TRIM64C: variants seen among roughly 807,000 people sequenced by gnomAD.
TRIM64C encodes the protein tripartite motif-containing protein 64C.
A neutral mutation model predicts 36.1 loss-of-function variants in TRIM64C; 25 were observed. That is an observed-to-expected ratio of 0.69 (90% CI 0.51 to 0.97). The LOEUF is 0.97. Ranked by LOEUF, TRIM64C falls within the 50% of genes least tolerant of loss-of-function variation. The pLI, the probability that TRIM64C is intolerant of heterozygous loss-of-function variation, is 0.00. For synonymous variants in TRIM64C, 212 were observed against 185.7 expected (o/e 1.14, Z -1.15); for missense variants, 489 against 536.8 (o/e 0.91, Z 0.88).
chr11:49,056,940 G>A (rs1292026421), intron 3 of TRIM64C, among the ~76,000 whole-genome samples: 2 of 151,816 alleles, frequency 1.3e-5, no homozygotes, highest in Non-Finnish European at 2.9e-5. Flanking sequence ...AGAGAACTTT[G>A]TTATATGTTA....
Position 49,054,187 on chromosome 11 carries a change from C to A in TRIM64C, c.880G>T (p.Glu294Ter). The change falls in exon 6 of 6, where the codon GAA (glutamate) becomes TAA (stop). Residue 294 changes from glutamate to a stop codon, truncating the protein, a stop_gained. Transcript: ENST00000617704. LOFTEE classifies it low-confidence loss of function (END_TRUNC). ...NFRVDNALST[E>*]MTPCYISLSE... ...AGGCTTATATAGCAAGGAGTCATTTCTGTACTCAGAGCATTATCCACTGAC... is the reference window on the plus strand; with the variant it reads ...AGGCTTATATAGCAAGGAGTCATTTATGTACTCAGAGCATTATCCACTGAC... The A allele has an allele frequency of 6.4e-7, 1 of 1,551,478 alleles. No individual in the cohort carries two copies. Among genetic ancestry groups the A allele is most frequent in the Non-Finnish European group, 8.7e-7 (1 of 1,146,828 alleles).
At chr11:49,056,052 G>T (rs1222342001) in intron 4 of TRIM64C, among the ~76,000 whole-genome samples, 7 of 150,996 alleles carry the variant, frequency 4.6e-5, no homozygotes, top group African/African-American at 1.2e-4. Flanking sequence ...CCCCTCTAGA[G>T]TAGAAGACAC....
At chr11:49,057,950 T>C (rs1854832956) in intron 2 of TRIM64C, 128 bp downstream of exon 2, 2 of 653,574 alleles carry the variant, frequency 3.1e-6, no homozygotes, top group South Asian at 1.8e-5. Flanking sequence ...ATTATATCAA[T>C]TGAAATCACT....
At chr11:49,056,405 G>A in intron 3 of TRIM64C, 24 bp from the exon 4 acceptor site, 2 of 1,529,454 alleles carry the variant, frequency 1.3e-6, no homozygotes, top group African/African-American at 1.4e-5. Flanking sequence ...AAAATGTAAT[G>A]TTAATTATGA....
In TRIM64C at chr11:49,057,173, T is replaced by C; in HGVS notation, c.713A>G (p.His238Arg). Reference protein sequence around the residue: ...DMYRELWETYHMPDVELLQDV... With the variant: ...DMYRELWETYRMPDVELLQDV... ...CTGGAGCAGCTCCACGTCAGGCATGTGGTATGTCTCCCACAGCTCTCTGTA... is the reference window on the plus strand; with the variant it reads ...CTGGAGCAGCTCCACGTCAGGCATGCGGTATGTCTCCCACAGCTCTCTGTA... The change falls in exon 3 of 6, where the codon CAC becomes CGC. Residue 238 changes from histidine (H) to arginine (R), a missense_variant. By Grantham distance (29) the His-to-Arg change is conservative (BLOSUM62 0). Transcript: ENST00000617704. The C allele has an allele frequency of 6.5e-7, 1 of 1,549,438 alleles. No homozygotes were observed.
rs1313215984 is a variant in TRIM64C, at chr11:49,053,749, G to T, written c.1318C>A (p.Pro440Thr). ...YGFPPSSFSSPLRPFFCFGCT is the reference protein window; with the variant it reads ...YGFPPSSFSSTLRPFFCFGCT Reference sequence around the variant, plus strand: ...CCAAAGCAAAAGAAAGGCCTCAGAGGGGAAGAGAAGGAGGAAGGAGGAAAA... The same window carrying T: ...CCAAAGCAAAAGAAAGGCCTCAGAGTGGAAGAGAAGGAGGAAGGAGGAAAA... The change falls in exon 6 of 6, where the codon CCT becomes ACT. Residue 440 changes from proline (P) to threonine (T), a missense_variant. Pro to Thr is a conservative substitution (Grantham distance 38, BLOSUM62 -1). Coordinates refer to ENST00000617704, the MANE Select transcript of TRIM64C (RefSeq NM_001206631.1). 10 of 1,549,206 alleles carry T rather than the reference G, an allele frequency of 6.5e-6. No homozygotes were observed. The highest frequency in any genetic ancestry group is 7.9e-6 in the Non-Finnish European group (9 of 1,146,430).
In TRIM64C at chr11:49,053,949, T is replaced by C; in HGVS notation, c.1118A>G (p.Asp373Gly). Residue 373 changes from aspartate (D) to glycine (G), a missense_variant, in exon 6 of 6, where the codon GAC (aspartate) becomes GGC (glycine). Transcript: ENST00000617704. ...TADTNIVIDS[D>G]KTFFSISSKT... ...TGAAGAAATTGAAAAAAATGTTTTG[T>C]CAGAATCAATAACTATATTGGTATC... The C allele has an allele frequency of 6.4e-7, 1 of 1,551,602 alleles. No homozygotes were observed. The highest frequency in any genetic ancestry group is 8.7e-7 in the Non-Finnish European group (1 of 1,146,852).
In TRIM64C at chr11:49,054,053, G is replaced by T. The variant is rs2851535; in HGVS notation, c.1014C>A (p.Ser338=). The T allele has an allele frequency of 6.4e-7, 1 of 1,551,362 alleles. No individual in the cohort carries two copies. The highest frequency in any genetic ancestry group is 1.2e-5 in the South Asian group (1 of 84,050). Residue 338 remains serine, a synonymous_variant, in exon 6 of 6, where the codon TCC becomes TCA. Transcript: ENST00000617704. ...FAVWCAQAFT[S]GKHYWEVDVT... ...CATCCACTTCCCAGTAATGCTTGCCGGAGGTGAATGCTTGCGCACACCACA... is the reference window on the plus strand; with the variant it reads ...CATCCACTTCCCAGTAATGCTTGCCTGAGGTGAATGCTTGCGCACACCACA...
rs1182818518 is a variant in TRIM64C at position 49,054,157 on chromosome 11, C to T, written c.910G>A (p.Glu304Lys). 3.2e-6 allele frequency: 5 copies of T among 1,551,548 alleles called. No homozygotes were observed. The Admixed American group carries it at 9.8e-5, about 30-fold the overall frequency. ...EMTPCYISLS[E>K]DVRRVIFGDD... ...CCAAATATCACACGTCTCACATCCT[C>T]AGAAAGGCTTATATAGCAAGGAGTC... The change falls in exon 6 of 6, where the codon GAG becomes AAG. Residue 304 changes from glutamate (E) to lysine (K), a missense_variant. Glu to Lys is a moderately conservative substitution (Grantham distance 56, BLOSUM62 1). Coordinates refer to ENST00000617704, the MANE Select transcript of TRIM64C (RefSeq NM_001206631.1).
chr11:49,053,832 T>A lies in TRIM64C; in HGVS notation c.1235A>T (p.Asp412Val), dbSNP rs1854776639. ...AAAACTCACAGATCCATTATCATAA[T>A]CCAGAAACACCCCAACCCAACCCAG... The part of the protein sequence containing the change: ...RPLGWVGVFL[D>V]YDNGSVSFFD... Residue 412 changes from aspartate to valine, a missense_variant, in exon 6 of 6, where the codon GAT (aspartate) becomes GTT (valine). Coordinates refer to ENST00000617704, the MANE Select transcript of TRIM64C (RefSeq NM_001206631.1). 12 of 1,551,578 alleles carry A rather than the reference T, an allele frequency of 7.7e-6. No homozygotes were observed. Among genetic ancestry groups the A allele is most frequent in the African/African-American group, 1.4e-5 (1 of 73,030 alleles).
intron 5 of TRIM64C, 30 bp from the exon 6 acceptor site, chr11:49,054,237 G>C: frequency 6.5e-7 from 1 of 1,540,832 alleles, no homozygotes. Flanking sequence ...ATATTAGTGA[G>C]TGCTATGAGG....
intron 5 of TRIM64C, 150 bp from the exon 6 acceptor site, chr11:49,054,357 G>A (rs1428896599): frequency 4.8e-6 from 4 of 837,680 alleles, no homozygotes; most frequent in Non-Finnish European, 7.3e-6. Flanking sequence ...AAGATGAAAT[G>A]TTATTATACC....
chr11:49,056,286 A>C, intron 4 of TRIM64C, 73 bp downstream of exon 4: 1 of 1,208,598 alleles, frequency 8.3e-7, no homozygotes, highest in Middle Eastern at 1.9e-4. Flanking sequence ...TTAGTACTCA[A>C]AATGTATACA....
Position 49,057,376 on chromosome 11 carries a change from G to C in TRIM64C, c.510C>G (p.Asp170Glu), listed in dbSNP as rs541651339. The change falls in exon 3 of 6, where the codon GAC becomes GAG. Residue 170 changes from aspartate (D) to glutamate (E), a missense_variant and splice_region_variant. Transcript: ENST00000617704. ...TTATCACCTTCCTTAATGACACATA[G>C]TCCTGCAGAGACGTTTGGTTAAAAG... ...QETSKFCSLVDYVSLRKVIIT... is the reference protein window; with the variant it reads ...QETSKFCSLVEYVSLRKVIIT... 1 of 1,549,494 alleles carries C rather than the reference G, an allele frequency of 6.5e-7. No individual in the cohort carries two copies. Among genetic ancestry groups the C allele is most frequent in the African/African-American group, 1.4e-5 (1 of 72,642 alleles).
rs546597746 is a variant in TRIM64C at position 49,055,440 on chromosome 11, C to G, written c.762-33G>C. The G allele has an allele frequency of 2.0e-5, 31 of 1,534,250 alleles. No homozygotes were observed. In the East Asian group the frequency reaches 2.9e-4, roughly 15 times the overall value. On this transcript the variant is annotated intron_variant, in intron 4 of 5. Transcript: ENST00000617704. ...AAAAAAATGGCCTCAGTTATATTTC[C>G]AGGACCAGAGCTAATCACACAGTCA...
rs1339964461 is a variant in TRIM64C at position 49,053,986 on chromosome 11, A to G, written c.1081T>C (p.Ser361Pro). 1 of 1,551,566 alleles carries G rather than the reference A, an allele frequency of 6.4e-7. No homozygotes were observed. ...SNWILGVCRD[S>P]RTADTNIVID... ...ACTATATTGGTATCTGCTGTCCTAG[A>G]ATCTCGACAGACTCCCAGAATCCAG... The change falls in exon 6 of 6, where the codon TCT becomes CCT. Residue 361 changes from serine (S) to proline (P), a missense_variant. Transcript: ENST00000617704.
intron 4 of TRIM64C, among the ~76,000 whole-genome samples, chr11:49,055,978 C>T (rs2773243): frequency 0.81 from 122,367 of 151,538 alleles, 49,714 homozygotes; most frequent in African/African-American, 0.84. Flanking sequence ...CAAAACATCC[C>T]GCCTCAGCCC....
chr11:49,057,400 A>G, intron 2 of TRIM64C, 22 bp from the exon 3 acceptor site: 4 of 1,547,598 alleles, frequency 2.6e-6, no homozygotes, highest in Non-Finnish European at 3.5e-6. Context: ...TTTGGTTAAA[A>G]GGATTACATG....
chr11:49,054,211 A>T lies in TRIM64C; in HGVS notation c.860-4T>A. ...TCTGTACTCAGAGCATTATCCACTG[A>T]CAAGGAAAAAATATTATATTAGTGA... On this transcript the variant is annotated splice_region_variant and splice_polypyrimidine_tract_variant and intron_variant, in intron 5 of 5. Transcript: ENST00000617704. 1 of 1,550,794 alleles carries T rather than the reference A, an allele frequency of 6.4e-7. No individual in the cohort carries two copies. The highest frequency in any genetic ancestry group is 8.7e-7 in the Non-Finnish European group (1 of 1,146,490).
Sources: gnomAD v4.1 joint callset for allele counts (sites outside exome capture counted in the v4.1 genomes callset) on GRCh38, gnomAD v4.1.1 for gene constraint, MANE v1.5 for transcripts, NCBI Gene and HGNC (gene_info 2026-07-23, HGNC 2026-07-21) for gene names.